TPP2: variants seen among roughly 807,000 people sequenced by gnomAD.
The protein encoded by TPP2 is tripeptidyl peptidase 2.
A neutral mutation model predicts 155.9 loss-of-function variants in TPP2; 34 were observed. That is an observed-to-expected ratio of 0.22 (90% confidence interval 0.17 to 0.29). The LOEUF (loss-of-function observed/expected upper bound fraction) is 0.29. Ranked by LOEUF, TPP2 falls within the 10% of genes least tolerant of loss-of-function variation. The pLI, the probability that TPP2 is intolerant of heterozygous loss-of-function variation, is 1.00. For synonymous variants in TPP2, 510 were observed against 529.4 expected, an observed-to-expected ratio of 0.96 and a Z score of 0.50; for missense variants, 1,028 against 1,522.3, an observed-to-expected ratio of 0.68 and a Z score of 5.40.
At chr13:102,663,886 T>C in intron 26 of TPP2, 142 bp downstream of exon 26, 1 of 665,082 alleles carries the variant, frequency 1.5e-6, no homozygotes, top group Non-Finnish European at 2.4e-6. Context: ...TTAAGCTGTT[T>C]TCATGAAGGT....
rs757088641 is a variant in TPP2 at position 102,637,016 on chromosome 13, T to A, written c.1679-66T>A. 2.0e-6 allele frequency: 3 copies of A among 1,514,590 alleles called. No homozygotes were observed. In the East Asian group the frequency reaches 7.0e-5, roughly 35 times the overall value. The allele number at this position is 1,514,590 out of a possible 1,614,324, so 93.8% of individuals were successfully genotyped here. A position where few individuals can be genotyped will look rare whatever the true frequency, so the allele number is the denominator to read the frequency against. Reference sequence around the variant, plus strand: ...GTCGCTAAATTTTTTTGGAAAGATGTAACATTTTTAAATGGAAAAAAGGAA... The same window carrying A: ...GTCGCTAAATTTTTTTGGAAAGATGAAACATTTTTAAATGGAAAAAAGGAA... On this transcript the variant is annotated intron_variant, in intron 13 of 29. Coordinates refer to ENST00000376052, the MANE Select transcript of TPP2 (RefSeq NM_001330588.2).
intron 2 of TPP2, among the ~76,000 whole-genome samples, chr13:102,608,213 T>C (rs1879997139): frequency 6.6e-6 from 1 of 152,236 alleles, no homozygotes. Context: ...TCTCCCCTAC[T>C]GTTTTCTACT....
intron 16 of TPP2, among the ~76,000 whole-genome samples, chr13:102,643,009 TC>T (rs1328405344): frequency 6.6e-6 from 1 of 152,162 alleles, no homozygotes; most frequent in Non-Finnish European, 1.5e-5. Flanking sequence ...TTTCTTTCGT[TC>T]CCATAGAAAA....
Position 102,678,898 on chromosome 13 carries a change from A to G in TPP2, c.*582A>G, listed in dbSNP as rs1169190146. On this transcript the variant is annotated 3_prime_UTR_variant, in exon 30 of 30. Transcript: ENST00000376052. ...CAGTTGCTGGAGCATAACTGCTTCA[A>G]TAAATCTTCATCTTGGGGTAATTAC... 3 of 152,166 alleles carry G rather than the reference A, an allele frequency of 2.0e-5. No individual in the cohort carries two copies. The highest frequency in any genetic ancestry group is 4.4e-5 in the Non-Finnish European group (3 of 68,062). The allele number at this position is 152,166 out of a possible 1,614,324, so 9.4% of individuals were successfully genotyped here.
At chr13:102,610,919 A>G (rs113186826) in intron 2 of TPP2, among the ~76,000 whole-genome samples, 1,667 of 152,294 alleles carry the variant, frequency 0.011, 20 homozygotes, top group Middle Eastern at 0.061. Context: ...GCATCCTCCT[A>G]TATCACAGCC....
rs190792428 is a variant in TPP2, at chr13:102,603,358, G to C, written c.166-1435G>C. On this transcript the variant is annotated intron_variant, in intron 1 of 29. Coordinates refer to ENST00000376052, the MANE Select transcript of TPP2 (RefSeq NM_001330588.2). ...ATCATTAGAAATAGAATTATGTTCT[G>C]TGAAGGAAATGAGGTACAGTGAGAA... Among the ~76,000 whole-genome samples the C allele has an allele frequency of 1.6e-4, 24 of 152,308 alleles. No homozygotes were observed. In the East Asian group the frequency reaches 4.6e-3, roughly 29 times the overall value.
intron 27 of TPP2, among the ~76,000 whole-genome samples, chr13:102,673,683 C>T (rs1394265791): frequency 6.6e-6 from 1 of 152,212 alleles, no homozygotes; most frequent in Non-Finnish European, 1.5e-5. Flanking sequence ...TCTGCCACTT[C>T]CTAACTGGAG....
chr13:102,655,842 C>G (rs879297080), intron 24 of TPP2, among the ~76,000 whole-genome samples: 1 of 152,178 alleles, frequency 6.6e-6, no homozygotes, highest in South Asian at 2.1e-4. Context: ...TGATCATTTT[C>G]TCTTTCTTCT....
intron 5 of TPP2, 61 bp from the exon 6 acceptor site, chr13:102,622,816 C>T: frequency 2.0e-6 from 3 of 1,528,720 alleles, no homozygotes; most frequent in Non-Finnish European, 2.6e-6. Flanking sequence ...GACTATGTTA[C>T]ATGATTTTTA....
chr13:102,597,271 C>A, intron 1 of TPP2, 68 bp downstream of exon 1: 1 of 934,982 alleles, frequency 1.1e-6, no homozygotes, highest in Non-Finnish European at 1.4e-6. Flanking sequence ...GGGACACAGT[C>A]TCGGAGCCCG....
At chr13:102,605,033 C>T in intron 2 of TPP2, 112 bp downstream of exon 2, 1 of 1,434,252 alleles carries the variant, frequency 7.0e-7, no homozygotes, top group Non-Finnish European at 9.6e-7. Context: ...TGCCACATAT[C>T]AGATTACCTC....
intron 25 of TPP2, among the ~76,000 whole-genome samples, chr13:102,661,192 A>G (rs775383963): frequency 4.0e-5 from 6 of 150,554 alleles, no homozygotes; most frequent in African/African-American, 9.8e-5. Flanking sequence ...AGAACGGCCT[A>G]TTTGCAAGTT....
Position 102,678,446 on chromosome 13 carries a change from T to C in TPP2, c.*130T>C. 2.9e-6 allele frequency: 2 copies of C among 699,120 alleles called. No homozygotes were observed. The highest frequency in any genetic ancestry group is 2.9e-5 in the Admixed American group (1 of 34,108). The allele number at this position is 699,120 out of a possible 1,614,324, so 43.3% of individuals were successfully genotyped here. On this transcript the variant is annotated 3_prime_UTR_variant, in exon 30 of 30. Coordinates refer to ENST00000376052, the MANE Select transcript of TPP2 (RefSeq NM_001330588.2). ...TCCAGTACTGATTATTAAAATGACA[T>C]GTATTTATCAGAGAATTCACTGACG...
intron 27 of TPP2, among the ~76,000 whole-genome samples, chr13:102,666,598 G>A (rs961269419): frequency 1.3e-5 from 2 of 151,512 alleles, no homozygotes; most frequent in Non-Finnish European, 2.9e-5. Context: ...TTTACATTTT[G>A]TGAAAATAAT....
At chr13:102,648,506 A>T (rs1479187052) in intron 21 of TPP2, among the ~76,000 whole-genome samples, 1 of 147,564 alleles carries the variant, frequency 6.8e-6, no homozygotes, top group Non-Finnish European at 1.5e-5. Flanking sequence ...AATTTTGCTC[A>T]TTTTTTTGGT....
intron 15 of TPP2, among the ~76,000 whole-genome samples, chr13:102,639,367 TGAG>T (rs577914150): frequency 1.6e-4 from 25 of 152,108 alleles, no homozygotes; most frequent in Non-Finnish European, 3.2e-4. Flanking sequence ...AGGATGAAAT[TGAG>T]GAGAATAAAT....
chr13:102,608,414 G>A (rs1056378374), intron 2 of TPP2, among the ~76,000 whole-genome samples: 3 of 151,310 alleles, frequency 2.0e-5, no homozygotes, highest in Non-Finnish European at 4.4e-5. Context: ...CTTCCTCTCC[G>A]TTGTTTTGCT....
At chr13:102,610,373 C>T (rs1221805097) in intron 2 of TPP2, among the ~76,000 whole-genome samples, 1 of 152,034 alleles carries the variant, frequency 6.6e-6, no homozygotes, top group Admixed American at 6.5e-5. Flanking sequence ...GGATTATAGG[C>T]ACCCGCCACC....
chr13:102,663,629 CTCCTT>C lies in TPP2; in HGVS notation c.3144-18_3144-14del. 1 of 1,527,770 alleles carries C rather than the reference CTCCTT, an allele frequency of 6.5e-7. No individual in the cohort carries two copies. Among genetic ancestry groups the C allele is most frequent in the Non-Finnish European group, 8.8e-7 (1 of 1,132,748 alleles). 94.6% of individuals were successfully genotyped at this position (1,527,770 alleles called of 1,614,324 possible). A position where few individuals can be genotyped will look rare whatever the true frequency, so the allele number is the denominator to read the frequency against. On this transcript the variant is annotated splice_polypyrimidine_tract_variant and intron_variant, in intron 25 of 29. Coordinates refer to ENST00000376052, the MANE Select transcript of TPP2 (RefSeq NM_001330588.2). ...TTAAAAGAAAAAAGTAAATATTTCT[CTCCTT>C]CTTACATACATAGGCTGGATTCTAG...
Sources: gnomAD v4.1 joint callset for allele counts (sites outside exome capture counted in the v4.1 genomes callset) on GRCh38, gnomAD v4.1.1 for gene constraint, MANE v1.5 for transcripts, NCBI Gene and HGNC (gene_info 2026-07-23, HGNC 2026-07-21) for gene names.